SPECC1L: variants seen among roughly 807,000 people sequenced by gnomAD.
SPECC1L encodes the protein sperm antigen with calponin homology and coiled-coil domains 1 like.
Under a neutral mutation model 116.8 loss-of-function variants are expected in SPECC1L, and 40 were observed. That is an observed-to-expected ratio of 0.34 (90% CI 0.27 to 0.45). SPECC1L has a LOEUF of 0.45. Ranked by LOEUF, SPECC1L falls within the 20% of genes least tolerant of loss-of-function variation. The pLI, the probability that SPECC1L is intolerant of heterozygous loss-of-function variation, is 1.00. For synonymous variants in SPECC1L, 504 were observed against 500.6 expected, an observed-to-expected ratio of 1.01 and a Z score of -0.09; for missense variants, 1,110 against 1,373.6, an observed-to-expected ratio of 0.81 and a Z score of 3.03.
At chr22:24,299,853 A>C (rs1196863870) in intron 2 of SPECC1L, among the ~76,000 whole-genome samples, 1 of 152,170 alleles carries the variant, frequency 6.6e-6, no homozygotes, top group African/African-American at 2.4e-5. Context: ...TGTCTACAAA[A>C]AGAAACCCTG....
intron 3 of SPECC1L, among the ~76,000 whole-genome samples, chr22:24,307,003 A>G (rs928686776): frequency 1.3e-5 from 2 of 152,230 alleles, no homozygotes; most frequent in Admixed American, 6.5e-5. Context: ...TTAAGGCTCA[A>G]TAGTGTTCAT....
chr22:24,287,103 T>G (rs1344424277), intron 2 of SPECC1L, among the ~76,000 whole-genome samples: 2 of 152,124 alleles, frequency 1.3e-5, no homozygotes, highest in African/African-American at 4.8e-5. Context: ...GCAGTGGAGC[T>G]GAGTCCTGAA....
intron 11 of SPECC1L, among the ~76,000 whole-genome samples, chr22:24,355,487 C>A (rs544924950): frequency 1.3e-5 from 2 of 151,832 alleles, no homozygotes; most frequent in Non-Finnish European, 2.9e-5. Flanking sequence ...ACCTACCTAT[C>A]TAACTATCTT....
chr22:24,371,052 A>G (rs1271824097), intron 14 of SPECC1L, among the ~76,000 whole-genome samples: 1 of 152,336 alleles, frequency 6.6e-6, no homozygotes, highest in Non-Finnish European at 1.5e-5. Flanking sequence ...ATAATTAAAG[A>G]TGGTTAAAAT....
intron 11 of SPECC1L, among the ~76,000 whole-genome samples, chr22:24,354,772 A>C (rs902030545): frequency 6.7e-6 from 1 of 150,080 alleles, no homozygotes; most frequent in Admixed American, 6.6e-5. Flanking sequence ...AGTGATTCTC[A>C]TGTCTCAGCC....
chr22:24,353,435 T>TTTTG (rs372425741), intron 11 of SPECC1L, among the ~76,000 whole-genome samples: 1 of 152,242 alleles, frequency 6.6e-6, no homozygotes, highest in East Asian at 1.9e-4. Context: ...TTTTTTCGTT[T>TTTTG]TTTGTTTGTT....
rs376583309 is a variant in SPECC1L, at chr22:24,322,660, C to T, written c.1680C>T (p.Ala560=). Residue 560 remains alanine, a synonymous_variant, in exon 5 of 17, where the codon GCC becomes GCT. Coordinates refer to ENST00000314328, the MANE Select transcript of SPECC1L (RefSeq NM_015330.6). ...AGAAAGGAAAAGCAGCCTTGGCAGC[C>T]ACGTTAGAGGAATACAAAGCCACAG... ...SEQKGKAALA[A]TLEEYKATVA... 31 of 1,613,396 alleles carry T rather than the reference C, an allele frequency of 1.9e-5. No homozygotes were observed. Among genetic ancestry groups the T allele is most frequent in the Non-Finnish European group, 2.5e-5 (30 of 1,179,806 alleles).
chr22:24,323,620 A>G (rs550415075), intron 5 of SPECC1L, among the ~76,000 whole-genome samples: 2 of 152,282 alleles, frequency 1.3e-5, no homozygotes, highest in South Asian at 4.1e-4. Context: ...TCTAGCTTAC[A>G]TTTTATTTAT....
intron 4 of SPECC1L, among the ~76,000 whole-genome samples, chr22:24,316,866 C>T (rs1443753477): frequency 4.5e-5 from 6 of 132,192 alleles, no homozygotes; most frequent in Non-Finnish European, 1.0e-4. Context: ...CGGGCAGAGG[C>T]GCCCCTCACC....
chr22:24,341,408 A>G (rs1483174790), intron 10 of SPECC1L, among the ~76,000 whole-genome samples: 5 of 152,222 alleles, frequency 3.3e-5, no homozygotes, highest in Admixed American at 1.3e-4. Flanking sequence ...TTGAGTTCCC[A>G]CCAGCCGCTG....
chr22:24,404,305 C>T (rs2042541196), intron 14 of SPECC1L, among the ~76,000 whole-genome samples: 1 of 152,212 alleles, frequency 6.6e-6, no homozygotes, highest in Non-Finnish European at 1.5e-5. Flanking sequence ...GATGATGCCG[C>T]ACTTTCTGTC....
At chr22:24,285,653 G>GT (rs1556142935) in intron 2 of SPECC1L, among the ~76,000 whole-genome samples, 90 of 150,406 alleles carry the variant, frequency 6.0e-4, no homozygotes, top group African/African-American at 1.7e-3. Flanking sequence ...GTTTTGTTTT[G>GT]TTTTTTTTGA....
intron 2 of SPECC1L, among the ~76,000 whole-genome samples, chr22:24,279,620 C>T (rs1291701956): frequency 1.3e-5 from 2 of 151,796 alleles, no homozygotes; most frequent in Non-Finnish European, 2.9e-5. Flanking sequence ...AGCTCTGTTG[C>T]CCAGGTTGTA....
intron 2 of SPECC1L, among the ~76,000 whole-genome samples, chr22:24,280,036 C>T (rs1214112123): frequency 1.3e-5 from 2 of 152,172 alleles, no homozygotes; most frequent in Admixed American, 6.5e-5. Flanking sequence ...GATGACATAG[C>T]AGACAAGGGG....
chr22:24,412,980 A>T (rs529290252), intron 16 of SPECC1L, among the ~76,000 whole-genome samples: 1 of 152,182 alleles, frequency 6.6e-6, no homozygotes, highest in East Asian at 1.9e-4. Context: ...GGCCCAGCCA[A>T]CCTTCCCTGG....
At chr22:24,328,376 C>T (rs2040871865) in intron 6 of SPECC1L, among the ~76,000 whole-genome samples, 2 of 151,994 alleles carry the variant, frequency 1.3e-5, no homozygotes, top group African/African-American at 4.8e-5. Flanking sequence ...TTAATTGAAA[C>T]AGCAGCTACC....
intron 11 of SPECC1L, among the ~76,000 whole-genome samples, chr22:24,355,120 A>G (rs533059439): frequency 2.0e-5 from 3 of 151,782 alleles, no homozygotes; most frequent in African/African-American, 7.2e-5. Flanking sequence ...CTCTACTAAA[A>G]ATACAAAAAT....
intron 14 of SPECC1L, among the ~76,000 whole-genome samples, chr22:24,407,745 C>T (rs973713707): frequency 2.0e-5 from 3 of 152,010 alleles, no homozygotes; most frequent in African/African-American, 7.3e-5. Flanking sequence ...AGACTTTTTC[C>T]TCTGCATTTT....
At chr22:24,405,532 A>C (rs946038056) in intron 14 of SPECC1L, among the ~76,000 whole-genome samples, 2 of 152,002 alleles carry the variant, frequency 1.3e-5, no homozygotes, top group African/African-American at 4.8e-5. Flanking sequence ...TACAGTAAGC[A>C]AACTAAACCC....
Sources: allele counts gnomAD v4.1 joint callset (sites outside exome capture counted in the v4.1 genomes callset), GRCh38; gene constraint gnomAD v4.1.1; transcripts MANE v1.5; gene names NCBI Gene and HGNC (gene_info 2026-07-23, HGNC 2026-07-21).